The following PPP4R4 variants were observed in gnomAD, a reference collection of about 807,000 sequenced individuals.
PPP4R4 encodes serine/threonine-protein phosphatase 4 regulatory subunit 4.
A neutral mutation model predicts 121.8 loss-of-function variants in PPP4R4; 70 were observed. The ratio of observed to expected loss-of-function variants is 0.57; its 90% confidence interval spans 0.47 to 0.70. The LOEUF (loss-of-function observed/expected upper bound fraction) is 0.70, where lower values mean the gene tolerates loss of function less well. PPP4R4 is among the 30% of genes least tolerant of loss of function. PPP4R4 has a pLI of 0.00. For synonymous variants in PPP4R4, 348 were observed against 355.7 expected, an observed-to-expected ratio of 0.98 and a Z score of 0.24; for missense variants, 875 against 1,033.6, an observed-to-expected ratio of 0.85 and a Z score of 2.10.
intron 23 of PPP4R4, among the ~76,000 whole-genome samples, chr14:94,272,853 T>C (rs1894409176): frequency 6.6e-6 from 1 of 152,158 alleles, no homozygotes; most frequent in Non-Finnish European, 1.5e-5. Context: ...AATAAATACC[T>C]CACTGAAGAA....
At chr14:94,225,816 G>A (rs1200241245) in intron 3 of PPP4R4, among the ~76,000 whole-genome samples, 2 of 152,134 alleles carry the variant, frequency 1.3e-5, no homozygotes, top group Non-Finnish European at 2.9e-5. Flanking sequence ...TTTTGAGAGA[G>A]ATTAGGATAG....
chr14:94,240,678 A>C lies in PPP4R4; in HGVS notation c.859A>C (p.Arg287=). ...TATTTTGTTTTGTTTTCCAGATGAC[A>C]GAAGTCAAACTATACTTCCCTTAGT... ...NLLDIFDTDD[R]SQTILPLVKS... The change falls in exon 9 of 25, where the codon AGA becomes CGA. Residue 287 remains arginine, a synonymous_variant. Transcript: ENST00000304338. 1 of 1,606,188 alleles carries C rather than the reference A, an allele frequency of 6.2e-7. No homozygotes were observed. The highest frequency in any genetic ancestry group is 8.5e-7 in the Non-Finnish European group (1 of 1,177,306).
At chr14:94,217,513 T>C (rs1240908958) in intron 3 of PPP4R4, among the ~76,000 whole-genome samples, 1 of 152,014 alleles carries the variant, frequency 6.6e-6, no homozygotes, top group South Asian at 2.1e-4. Flanking sequence ...GCACACAAAA[T>C]AGGAAAACTT....
At chr14:94,180,980 G>A (rs1427155820) in intron 2 of PPP4R4, among the ~76,000 whole-genome samples, 1 of 152,108 alleles carries the variant, frequency 6.6e-6, no homozygotes, top group Non-Finnish European at 1.5e-5. Context: ...GGATAGGGTA[G>A]CAATGAGACA....
chr14:94,257,423 T>C (rs527652269), intron 17 of PPP4R4, among the ~76,000 whole-genome samples: 15 of 152,108 alleles, frequency 9.9e-5, no homozygotes, highest in Non-Finnish European at 1.9e-4. Context: ...CTTATTAGTG[T>C]CATAAATAAA....
chr14:94,277,175 C>A (rs1218518984), intron 24 of PPP4R4, among the ~76,000 whole-genome samples: 2 of 152,140 alleles, frequency 1.3e-5, no homozygotes, highest in Admixed American at 1.3e-4. Flanking sequence ...GTGGCATGTG[C>A]CTGTAATCCC....
At chr14:94,270,155 C>CT (rs1349678107) in intron 23 of PPP4R4, among the ~76,000 whole-genome samples, 2 of 152,132 alleles carry the variant, frequency 1.3e-5, no homozygotes, top group Admixed American at 1.3e-4. Flanking sequence ...TTCAAAAACA[C>CT]TAAGTGCTCA....
chr14:94,214,149 A>G (rs983743953), intron 3 of PPP4R4, among the ~76,000 whole-genome samples: 1 of 152,216 alleles, frequency 6.6e-6, no homozygotes, highest in Non-Finnish European at 1.5e-5. Flanking sequence ...TTTAGAGACA[A>G]TATAAATATC....
chr14:94,228,662 A>T (rs1463175031), intron 3 of PPP4R4, among the ~76,000 whole-genome samples: 1 of 152,018 alleles, frequency 6.6e-6, no homozygotes, highest in Non-Finnish European at 1.5e-5. Context: ...TTTTTGGGAG[A>T]TGTGCAAAAT....
chr14:94,258,882 CA>C, intron 18 of PPP4R4, 58 bp downstream of exon 18: 1 of 1,437,002 alleles, frequency 7.0e-7, no homozygotes, highest in Non-Finnish European at 9.7e-7. Context: ...CTGAAAAAGA[CA>C]TACCCAAGAC....
chr14:94,216,446 G>A (rs1246960592), intron 3 of PPP4R4, among the ~76,000 whole-genome samples: 2 of 152,254 alleles, frequency 1.3e-5, no homozygotes, highest in Non-Finnish European at 2.9e-5. Context: ...AAGGGTGAAT[G>A]TGCACTCGCA....
chr14:94,230,472 A>G, intron 3 of PPP4R4, 115 bp from the exon 4 acceptor site: 2 of 601,364 alleles, frequency 3.3e-6, no homozygotes, highest in East Asian at 1.5e-4. Flanking sequence ...CTTAAAGGTC[A>G]TATGTCTTAA....
intron 2 of PPP4R4, among the ~76,000 whole-genome samples, chr14:94,195,142 C>T (rs1392272842): frequency 6.6e-6 from 1 of 152,188 alleles, no homozygotes; most frequent in African/African-American, 2.4e-5. Context: ...TCACTCACAT[C>T]TAAAAAATGT....
rs1048180618 is a variant in PPP4R4 at position 94,240,779 on chromosome 14, A to G, written c.960A>G (p.Leu320=). The G allele has an allele frequency of 6.2e-7, 1 of 1,603,680 alleles. No homozygotes were observed. The highest frequency in any genetic ancestry group is 8.5e-7 in the Non-Finnish European group (1 of 1,176,650). Reference sequence around the variant, plus strand: ...CTTTATCTTTCCATTTAGGAAAACTATGTCATGGACTATATGGTATGATAT... The same window carrying G: ...CTTTATCTTTCCATTTAGGAAAACTGTGTCATGGACTATATGGTATGATAT... ...LISLSFHLGK[L]CHGLYGIFTP... is the part of the protein sequence containing the mutation. Residue 320 remains leucine, a synonymous_variant, in exon 9 of 25, where the codon CTA becomes CTG. Transcript: ENST00000304338.
chr14:94,175,937 A>T, intron 1 of PPP4R4, 117 bp from the exon 2 acceptor site: 1 of 793,248 alleles, frequency 1.3e-6, no homozygotes, highest in Non-Finnish European at 2.2e-6. Flanking sequence ...TTTCATTGTT[A>T]ATGCTTAATT....
chr14:94,230,543 G>T (rs776012084), intron 3 of PPP4R4, 44 bp from the exon 4 acceptor site: 2 of 1,524,222 alleles, frequency 1.3e-6, no homozygotes, highest in African/African-American at 2.8e-5. Context: ...TATAATTTGT[G>T]ATCTCTCATC....
chr14:94,238,437 A>G (rs60641571), intron 8 of PPP4R4, among the ~76,000 whole-genome samples: 1,679 of 152,328 alleles, frequency 0.011, 32 homozygotes, highest in African/African-American at 0.038. Context: ...TGACATTAAG[A>G]CAGATCCTGA....
At chr14:94,204,859 C>T (rs1343304743) in intron 2 of PPP4R4, among the ~76,000 whole-genome samples, 1 of 152,066 alleles carries the variant, frequency 6.6e-6, no homozygotes, top group Non-Finnish European at 1.5e-5. Context: ...TGACTTTTGT[C>T]ACATGTTTTT....
At position 94,278,752 on chromosome 14, in the gene PPP4R4, T is replaced by TA. The variant is rs919555247; in HGVS notation, c.*109_*110insA. On this transcript the variant is annotated 3_prime_UTR_variant, in exon 25 of 25. Transcript: ENST00000304338. ...CTTTGTTTTTAAATTTTGGGTTTTT[T>TA]TTTTTGTTGTTGTTAATGAGCAGAA... The TA allele has an allele frequency of 9.6e-6, 11 of 1,144,820 alleles. No homozygotes were observed. In the African/African-American group the frequency reaches 1.8e-4, roughly 18 times the overall value. 70.9% of individuals were successfully genotyped at this position (1,144,820 alleles called of 1,614,324 possible).
Sources: gnomAD v4.1 joint callset for allele counts (sites outside exome capture counted in the v4.1 genomes callset) on GRCh38, gnomAD v4.1.1 for gene constraint, MANE v1.5 for transcripts, NCBI Gene and HGNC (gene_info 2026-07-23, HGNC 2026-07-21) for gene names.